Variants in CBFA2T3 observed in about 807,000 individuals in gnomAD.
CBFA2T3 encodes CBFA2/RUNX1 partner transcriptional co-repressor 3.
A neutral mutation model predicts 58.6 loss-of-function variants in CBFA2T3; 31 were observed. The observed-to-expected ratio is 0.53, with a 90% CI of 0.40 to 0.71. CBFA2T3 has a LOEUF of 0.71. Among genes scored for constraint, CBFA2T3 ranks in the 30% least tolerant of loss-of-function variants. The probability of loss-of-function intolerance (pLI) is 0.00; values close to 1 mark genes in which losing one functional copy is unlikely to be tolerated. For synonymous variants in CBFA2T3, 531 were observed against 421.9 expected, an observed-to-expected ratio of 1.26 and a Z score of -3.17; for missense variants, 1,076 against 963.1, an observed-to-expected ratio of 1.12 and a Z score of -1.55.
At chr16:88,902,152 C>T (rs1402172144) in intron 1 of CBFA2T3, among the ~76,000 whole-genome samples, 1 of 152,236 alleles carries the variant, frequency 6.6e-6, no homozygotes, top group African/African-American at 2.4e-5. Context: ...AGCCATGGTT[C>T]TAAGAGTCCC....
chr16:88,899,994 C>G (rs1443984534), intron 2 of CBFA2T3, among the ~76,000 whole-genome samples: 1 of 152,230 alleles, frequency 6.6e-6, no homozygotes, highest in Non-Finnish European at 1.5e-5. Context: ...TGATCCCAGC[C>G]CGGCCACATC....
intron 1 of CBFA2T3, among the ~76,000 whole-genome samples, chr16:88,912,472 C>T (rs943702506): frequency 1.3e-4 from 20 of 152,216 alleles, no homozygotes; most frequent in African/African-American, 4.1e-4. Context: ...TCTGCATAGC[C>T]GTCTCCTCAT....
At chr16:88,890,989 G>A (rs1969607758) in intron 5 of CBFA2T3, among the ~76,000 whole-genome samples, 1 of 152,184 alleles carries the variant, frequency 6.6e-6, no homozygotes, top group Non-Finnish European at 1.5e-5. Context: ...TAAAAATGCA[G>A]GCTCTGATTC....
At chr16:88,900,925 G>C (rs1170931931) in intron 2 of CBFA2T3, among the ~76,000 whole-genome samples, 1 of 152,222 alleles carries the variant, frequency 6.6e-6, no homozygotes, top group African/African-American at 2.4e-5. Context: ...ACAGCTTCTT[G>C]AGGTCCCACC....
In CBFA2T3 at chr16:88,901,778, C is replaced by T. The variant is rs567710562; in HGVS notation, c.152-122G>A. ...GTCCGCCCAGCGCTGGGGCAGTCTG[C>T]CCCAGGTGTCCTGACAGGTGGCTGA... On this transcript the variant is annotated intron_variant, in intron 1 of 11. Transcript: ENST00000268679. 9.4e-4 allele frequency: 770 copies of T among 822,822 alleles called. 6 individuals are homozygous for T. The African/African-American group carries it at 0.013, about 13-fold the overall frequency. 51.0% of individuals were successfully genotyped at this position (822,822 alleles called of 1,614,324 possible).
chr16:88,906,399 C>A (rs1567598162), intron 1 of CBFA2T3, among the ~76,000 whole-genome samples: 1 of 152,174 alleles, frequency 6.6e-6, no homozygotes, highest in Non-Finnish European at 1.5e-5. Flanking sequence ...TGGCCGCATC[C>A]CCTCGTCCCC....
At position 88,940,994 on chromosome 16, in the gene CBFA2T3, G is replaced by A. The variant is rs570912220; in HGVS notation, c.151+35663C>T. On this transcript the variant is annotated intron_variant, in intron 1 of 11. Transcript: ENST00000268679. The stretch of plus-strand genomic sequence containing the variant: ...GCGGAGTCGGGGTAGAGCGGCGGCG[G>A]CGCGCGGGGCGGACACGGCACTTAC... The A allele has an allele frequency of 1.2e-5, 12 of 968,208 alleles. No homozygotes were observed. In the East Asian group the frequency reaches 4.6e-4, roughly 37 times the overall value. 60.0% of individuals were successfully genotyped at this position (968,208 alleles called of 1,614,324 possible).
chr16:88,877,037 G>T lies in CBFA2T3; in HGVS notation c.1901C>A (p.Ala634Glu). The T allele has an allele frequency of 6.6e-7, 1 of 1,508,060 alleles. No homozygotes were observed. The highest frequency in any genetic ancestry group is 2.2e-5 in the Admixed American group (1 of 46,012). 93.4% of individuals were successfully genotyped at this position (1,508,060 alleles called of 1,614,324 possible). A position where few individuals can be genotyped will look rare whatever the true frequency, so the allele number is the denominator to read the frequency against. Residue 634 changes from alanine to glutamate, a missense_variant, in exon 12 of 12, where the codon GCG becomes GAG. Coordinates refer to ENST00000268679, the MANE Select transcript of CBFA2T3 (RefSeq NM_005187.6). ...GAASPSEAGS[A>E]GPSRPGSPSP... The stretch of plus-strand genomic sequence containing the variant: ...GGGGGAGCCGGGGCGAGAAGGCCCC[G>T]CAGAGCCGGCTTCGCTGGGGCTGGC...
In CBFA2T3 at chr16:88,877,095, G is replaced by A. The variant is rs778831294; in HGVS notation, c.1843C>T (p.His615Tyr). Residue 615 changes from histidine to tyrosine, a missense_variant, in exon 12 of 12, where the codon CAC becomes TAC. Coordinates refer to ENST00000268679, the MANE Select transcript of CBFA2T3 (RefSeq NM_005187.6). Reference sequence around the variant, plus strand: ...ACAGGCAGGGAGGGGCCCAGGCTGTGGGCGGCTTCGGGCGGTCCAGGCACC... The same window carrying A: ...ACAGGCAGGGAGGGGCCCAGGCTGTAGGCGGCTTCGGGCGGTCCAGGCACC... ...DPVPGPPEAA[H>Y]SLGPSLPVGA... 9 of 1,542,590 alleles carry A rather than the reference G, an allele frequency of 5.8e-6. No individual in the cohort carries two copies. Among genetic ancestry groups the A allele is most frequent in the South Asian group, 3.6e-5 (3 of 83,796 alleles).
chr16:88,929,814 A>G (rs1372091342), intron 1 of CBFA2T3, among the ~76,000 whole-genome samples: 1 of 151,414 alleles, frequency 6.6e-6, no homozygotes, highest in Admixed American at 6.6e-5. Flanking sequence ...GGTCCACACA[A>G]AAGCTACCAA....
At chr16:88,943,930 G>A (rs1428507976) in intron 1 of CBFA2T3, among the ~76,000 whole-genome samples, 2 of 152,206 alleles carry the variant, frequency 1.3e-5, no homozygotes, top group African/African-American at 2.4e-5. Flanking sequence ...ACCTCGGAGG[G>A]CCACACTCAG....
chr16:88,881,137 G>A (rs899853450), intron 9 of CBFA2T3, 154 bp downstream of exon 9: 4 of 780,104 alleles, frequency 5.1e-6, no homozygotes, highest in African/African-American at 3.4e-5. Context: ...TGGCAGACCA[G>A]CCCGTGTTTT....
chr16:88,881,730 A>G, intron 8 of CBFA2T3: 1 of 474,072 alleles, frequency 2.1e-6, no homozygotes. Context: ...CGCACGCAGG[A>G]GTTTGGGATT....
rs113813392 is a variant in CBFA2T3 at position 88,930,291 on chromosome 16, A to C, written c.152-28635T>G. Among the ~76,000 whole-genome samples, 4 of 143,722 alleles carry C rather than the reference A, an allele frequency of 2.8e-5. No individual in the cohort carries two copies. The East Asian group carries it at 6.2e-4, about 22-fold the overall frequency. The allele number at this position is 143,722 out of a possible 152,430, so 94.3% of individuals were successfully genotyped here. ...CTGCGTGGTCCACGCAAAAGCTACC[A>C]ATACCCACAGCTGCATGGTCCACGC... On this transcript the variant is annotated intron_variant, in intron 1 of 11. Transcript: ENST00000268679.
chr16:88,936,763 T>A (rs568462386), intron 1 of CBFA2T3: 1 of 152,384 alleles, frequency 6.6e-6, no homozygotes, highest in Non-Finnish European at 1.5e-5. Flanking sequence ...TCCCACGAAT[T>A]ACAAAAAGCA....
chr16:88,911,882 C>CA (rs1242878447), intron 1 of CBFA2T3, among the ~76,000 whole-genome samples: 1 of 151,150 alleles, frequency 6.6e-6, no homozygotes, highest in Non-Finnish European at 1.5e-5. Context: ...GAAGACCCCC[C>CA]CTCCTGCCTC....
chr16:88,960,531 C>T (rs559192292), intron 1 of CBFA2T3, among the ~76,000 whole-genome samples: 2 of 152,358 alleles, frequency 1.3e-5, no homozygotes, highest in South Asian at 2.1e-4. Flanking sequence ...GAGGCCTCCA[C>T]AAGAATCTCA....
At chr16:88,935,614 G>T (rs1318861275) in intron 1 of CBFA2T3, among the ~76,000 whole-genome samples, 1 of 152,244 alleles carries the variant, frequency 6.6e-6, no homozygotes, top group Admixed American at 6.5e-5. Context: ...TGGGGTCTGG[G>T]CTGTGCCAGA....
intron 1 of CBFA2T3, among the ~76,000 whole-genome samples, chr16:88,967,145 C>T (rs1167666999): frequency 7.9e-6 from 1 of 126,010 alleles, no homozygotes; most frequent in East Asian, 2.4e-4. Flanking sequence ...GGCCCCGACA[C>T]GCGGCAGCAC....
Sources: gnomAD v4.1 joint callset for allele counts (sites outside exome capture counted in the v4.1 genomes callset) on GRCh38, gnomAD v4.1.1 for gene constraint, MANE v1.5 for transcripts, NCBI Gene and HGNC (gene_info 2026-07-23, HGNC 2026-07-21) for gene names.